The following CNTN5 variants were observed in gnomAD, a reference collection of about 807,000 sequenced individuals.
CNTN5 encodes contactin-5.
A neutral mutation model predicts 129.1 loss-of-function variants in CNTN5; 77 were observed. That is an observed-to-expected ratio of 0.60 (90% CI 0.50 to 0.72). CNTN5 has a LOEUF of 0.72. Ranked by LOEUF, CNTN5 falls within the 30% of genes least tolerant of loss-of-function variation. The pLI, the probability that CNTN5 is intolerant of heterozygous loss-of-function variation, is 0.00. For synonymous variants in CNTN5, 509 were observed against 465.6 expected (o/e 1.09, Z -1.20); for missense variants, 1,478 against 1,328.8 (o/e 1.11, Z -1.75).
intron 2 of CNTN5, among the ~76,000 whole-genome samples, chr11:99,360,195 C>T (rs1269732603): frequency 6.6e-6 from 1 of 152,202 alleles, no homozygotes; most frequent in Admixed American, 6.5e-5. Context: ...AAGGTTCCAG[C>T]CAGCCTTGCC....
intron 3 of CNTN5, among the ~76,000 whole-genome samples, chr11:99,806,409 A>G (rs893546463): frequency 1.3e-5 from 2 of 152,204 alleles, no homozygotes; most frequent in Non-Finnish European, 2.9e-5. Context: ...GAAAGTAAAT[A>G]TATAAATACT....
At chr11:99,129,630 A>G (rs1858829851) in intron 1 of CNTN5, among the ~76,000 whole-genome samples, 1 of 152,144 alleles carries the variant, frequency 6.6e-6, no homozygotes. Context: ...AAGATATTCC[A>G]CGAGAAGATC....
chr11:99,460,971 A>T (rs1944676145), intron 2 of CNTN5, among the ~76,000 whole-genome samples: 1 of 152,066 alleles, frequency 6.6e-6, no homozygotes, highest in African/African-American at 2.4e-5. Context: ...AAGGCCAAAA[A>T]TTGGAAAACA....
intron 13 of CNTN5, among the ~76,000 whole-genome samples, chr11:100,156,528 G>A (rs575786282): frequency 1.3e-5 from 2 of 152,198 alleles, no homozygotes; most frequent in East Asian, 1.9e-4. Context: ...AAATGAGTTA[G>A]GGAAGAGTCC....
intron 1 of CNTN5, among the ~76,000 whole-genome samples, chr11:99,279,309 G>A (rs909324702): frequency 1.3e-5 from 2 of 151,778 alleles, no homozygotes; most frequent in Non-Finnish European, 2.9e-5. Flanking sequence ...GGTTGGCTAA[G>A]ACACTTTCTT....
At chr11:100,221,190 C>T (rs936750042) in intron 15 of CNTN5, among the ~76,000 whole-genome samples, 2 of 152,136 alleles carry the variant, frequency 1.3e-5, no homozygotes, top group African/African-American at 4.8e-5. Context: ...AAAGAAAGAG[C>T]ACCTGCAACA....
intron 2 of CNTN5, among the ~76,000 whole-genome samples, chr11:99,419,288 G>A (rs916407536): frequency 2.0e-5 from 3 of 152,162 alleles, no homozygotes; most frequent in African/African-American, 7.2e-5. Context: ...GTCACTGTAT[G>A]TGATGACTTT....
At chr11:99,980,955 G>T (rs61910583) in intron 8 of CNTN5, among the ~76,000 whole-genome samples, 2,141 of 151,144 alleles carry the variant, frequency 0.014, 22 homozygotes, top group Non-Finnish European at 0.021. Flanking sequence ...ATATTAAAGG[G>T]TTAATCTATT....
At chr11:100,193,764 A>AG in intron 15 of CNTN5, 101 bp downstream of exon 15, 2 of 901,198 alleles carry the variant, frequency 2.2e-6, no homozygotes. Flanking sequence ...AAAAAAAAAA[A>AG]CAGAACATCG....
At chr11:99,178,678 A>G (rs1857900732) in intron 1 of CNTN5, among the ~76,000 whole-genome samples, 1 of 152,210 alleles carries the variant, frequency 6.6e-6, no homozygotes, top group African/African-American at 2.4e-5. Flanking sequence ...CAAATAATTT[A>G]AATCATATTA....
chr11:99,246,586 C>T (rs547083368), intron 1 of CNTN5, among the ~76,000 whole-genome samples: 1 of 152,280 alleles, frequency 6.6e-6, no homozygotes, highest in African/African-American at 2.4e-5. Flanking sequence ...AGGCTATGTG[C>T]AGGATGATTA....
intron 1 of CNTN5, among the ~76,000 whole-genome samples, chr11:99,159,424 C>T (rs1037511855): frequency 2.6e-5 from 4 of 152,074 alleles, no homozygotes; most frequent in Non-Finnish European, 5.9e-5. Context: ...AGATCGAGAC[C>T]ATCCTGGCTA....
chr11:99,810,390 C>T (rs868387684), intron 3 of CNTN5, among the ~76,000 whole-genome samples: 26 of 152,148 alleles, frequency 1.7e-4, no homozygotes, highest in African/African-American at 5.5e-4. Context: ...AATGCAGTGC[C>T]GTTAACTTTT....
intron 3 of CNTN5, among the ~76,000 whole-genome samples, chr11:99,809,426 C>A (rs1013386316): frequency 6.6e-6 from 1 of 151,900 alleles, no homozygotes; most frequent in African/African-American, 2.4e-5. Context: ...CCATAGTTAC[C>A]TTTTAATGTG....
At chr11:99,839,941 C>T (rs769392353) in intron 4 of CNTN5, among the ~76,000 whole-genome samples, 1 of 151,764 alleles carries the variant, frequency 6.6e-6, no homozygotes, top group Non-Finnish European at 1.5e-5. Context: ...AATAAATTTT[C>T]CTGAAAAAGA....
chr11:99,865,873 G>T (rs1948341316), intron 6 of CNTN5, among the ~76,000 whole-genome samples: 1 of 151,974 alleles, frequency 6.6e-6, no homozygotes, highest in Non-Finnish European at 1.5e-5. Flanking sequence ...ATTTTTTGAT[G>T]ATTTAAGACA....
At chr11:99,542,825 C>A (rs894417696) in intron 2 of CNTN5, among the ~76,000 whole-genome samples, 12 of 152,218 alleles carry the variant, frequency 7.9e-5, no homozygotes, top group Non-Finnish European at 1.0e-4. Context: ...TGGGAAATCA[C>A]ATGGCCCAAG....
intron 3 of CNTN5, among the ~76,000 whole-genome samples, chr11:99,643,819 T>C (rs563921910): frequency 1.6e-3 from 233 of 148,020 alleles, no homozygotes; most frequent in African/African-American, 5.2e-3. Context: ...AAATAATGTT[T>C]CCTATGTTTA....
chr11:99,550,952 G>A (rs929442326), intron 2 of CNTN5, among the ~76,000 whole-genome samples: 3 of 152,116 alleles, frequency 2.0e-5, no homozygotes, highest in African/African-American at 7.2e-5. Flanking sequence ...TTGGCAAAAA[G>A]TTTGTTTAAG....
Sources: gnomAD v4.1 joint callset for allele counts (sites outside exome capture counted in the v4.1 genomes callset) on GRCh38, gnomAD v4.1.1 for gene constraint, MANE v1.5 for transcripts, NCBI Gene and HGNC (gene_info 2026-07-23, HGNC 2026-07-21) for gene names.